RTN4: variants seen among roughly 807,000 people sequenced by gnomAD.
RTN4 encodes reticulon 4, also known as reticulon-4.
Under a neutral mutation model 90.4 loss-of-function variants are expected in RTN4, and 32 were observed. The observed-to-expected ratio is 0.35, with a 90% CI of 0.27 to 0.48. The LOEUF (loss-of-function observed/expected upper bound fraction) is 0.48, where lower values mean the gene tolerates loss of function less well. Ranked by LOEUF, RTN4 falls within the 20% of genes least tolerant of loss-of-function variation. The pLI, the probability that RTN4 is intolerant of heterozygous loss-of-function variation, is 0.99. For synonymous variants in RTN4, 629 were observed against 552.5 expected (o/e 1.14, Z -1.94); for missense variants, 1,706 against 1,430.2 (o/e 1.19, Z -3.11).
chr2:55,099,115 G>A (rs978307782), intron 1 of RTN4, among the ~76,000 whole-genome samples: 3 of 151,994 alleles, frequency 2.0e-5, no homozygotes, highest in Non-Finnish European at 4.4e-5. Context: ...GTTGTTTAGT[G>A]GCTGAATTAG....
intron 3 of RTN4, among the ~76,000 whole-genome samples, chr2:54,999,852 G>A (rs890259636): frequency 3.3e-5 from 5 of 152,102 alleles, no homozygotes; most frequent in African/African-American, 7.2e-5. Context: ...ACTGACAGGC[G>A]AAGGTCCACA....
chr2:55,129,416 A>C, the RTN4 span, among the ~76,000 whole-genome samples: 2 of 151,976 alleles, frequency 1.3e-5, no homozygotes, highest in Non-Finnish European at 2.9e-5. Context: ...TCTCTACAAA[A>C]AAAAACTTTA....
intron 1 of RTN4, among the ~76,000 whole-genome samples, chr2:55,038,431 A>AC (rs1214789333): frequency 2.0e-5 from 3 of 152,188 alleles, no homozygotes; most frequent in Non-Finnish European, 4.4e-5. Flanking sequence ...TATGTAGGAA[A>AC]AAAAAAGGCA....
intron 1 of RTN4, among the ~76,000 whole-genome samples, chr2:55,108,122 T>A (rs1667976116): frequency 1.3e-5 from 2 of 151,974 alleles, no homozygotes; most frequent in Non-Finnish European, 2.9e-5. Flanking sequence ...TCCCAGCTAA[T>A]TTTTGTGTTT....
At chr2:55,122,325 C>T in the RTN4 span, among the ~76,000 whole-genome samples, 1 of 152,088 alleles carries the variant, frequency 6.6e-6, no homozygotes, top group Non-Finnish European at 1.5e-5. Flanking sequence ...TACAGGTTCC[C>T]CGACTTAGAG....
chr2:55,128,858 G>T, the RTN4 span, among the ~76,000 whole-genome samples: 2 of 151,704 alleles, frequency 1.3e-5, no homozygotes, highest in Admixed American at 6.6e-5. Context: ...TGTAATCCCA[G>T]CACTTTGGAA....
At chr2:54,983,237 G>A (rs1307456207) in intron 4 of RTN4, among the ~76,000 whole-genome samples, 1 of 151,402 alleles carries the variant, frequency 6.6e-6, no homozygotes, top group East Asian at 1.9e-4. Context: ...AGCAATCCTA[G>A]CAAAACATAA....
At position 55,025,280 on chromosome 2, in the gene RTN4, T is replaced by C; in HGVS notation, c.2819A>G (p.Lys940Arg). 6.2e-7 allele frequency: 1 copy of C among 1,613,926 alleles called. No homozygotes were observed. Among genetic ancestry groups the C allele is most frequent in the African/African-American group, 1.3e-5 (1 of 75,024 alleles). The change falls in exon 3 of 9, where the codon AAA (lysine) becomes AGA (arginine). Residue 940 changes from lysine (K) to arginine (R), a missense_variant. Physicochemically the swap from Lys to Arg is conservative, Grantham distance 26 (BLOSUM62 2). Transcript: ENST00000337526. ...CACCTTTGATGTAGCAGACCCATTT[T>C]TAGAAAAGTCATCTGAGAAACTGAT... ...EKISFSDDFS[K>R]NGSATSKVLL... is the part of the protein sequence containing the mutation.
chr2:55,070,267 C>A (rs151164533), intron 2 of RTN4, among the ~76,000 whole-genome samples: 1 of 151,898 alleles, frequency 6.6e-6, no homozygotes, highest in African/African-American at 2.4e-5. Context: ...CCCCACCCCC[C>A]CAAACAAAAG....
At chr2:55,040,272 C>T (rs1682981948) in intron 1 of RTN4, among the ~76,000 whole-genome samples, 1 of 151,960 alleles carries the variant, frequency 6.6e-6, no homozygotes, top group African/African-American at 2.4e-5. Context: ...ATAAAACTTT[C>T]CATAATTTAA....
intron 4 of RTN4, among the ~76,000 whole-genome samples, chr2:54,986,839 AT>A (rs1678599251): frequency 6.6e-6 from 1 of 152,198 alleles, no homozygotes; most frequent in African/African-American, 2.4e-5. Flanking sequence ...GTTTTATGGT[AT>A]ATGAATTATA....
At chr2:55,132,559 C>G in the RTN4 span, among the ~76,000 whole-genome samples, 1 of 149,274 alleles carries the variant, frequency 6.7e-6, no homozygotes, top group East Asian at 2.0e-4. Flanking sequence ...TGCCTATAAT[C>G]CTAGCACTTT....
chr2:55,029,390 G>T (rs1040898823), intron 1 of RTN4, among the ~76,000 whole-genome samples: 2 of 152,048 alleles, frequency 1.3e-5, no homozygotes, highest in African/African-American at 4.8e-5. Context: ...ACCTGCAGTT[G>T]GGAGATCCTA....
chr2:55,015,388 T>C (rs943642245), intron 3 of RTN4, among the ~76,000 whole-genome samples: 6 of 151,980 alleles, frequency 3.9e-5, no homozygotes, highest in African/African-American at 1.4e-4. Context: ...TATAAGTAAA[T>C]AAAAAATATA....
rs1379463714 is a variant in RTN4, at chr2:55,098,197, T to C, written c.-214+14323A>G. On this transcript the variant is annotated intron_variant, in intron 1 of 3. Transcript: ENST00000427710. The stretch of plus-strand genomic sequence containing the variant: ...GGCAGAAGTATGTCCGGATTTCCAG[T>C]ACCCAGCACAAAGCTGGTGTTTAGT... 6.6e-5 allele frequency among the ~76,000 whole-genome samples: 10 copies of C among 152,258 alleles called. No homozygotes were observed. The East Asian group carries it at 1.7e-3, about 26-fold the overall frequency.
chr2:55,013,827 TACA>T (rs1680831051), intron 3 of RTN4, among the ~76,000 whole-genome samples: 1 of 152,176 alleles, frequency 6.6e-6, no homozygotes, highest in Admixed American at 6.5e-5. Context: ...CGTTTTTCTT[TACA>T]ACATTTAGAG....
At chr2:54,987,374 G>A (rs1678647393) in intron 4 of RTN4, 117 bp downstream of exon 4, 1 of 810,072 alleles carries the variant, frequency 1.2e-6, no homozygotes, top group Non-Finnish European at 2.1e-6. Context: ...GCAAATAACT[G>A]CAATTATCTT....
intron 2 of RTN4, among the ~76,000 whole-genome samples, chr2:55,058,273 T>C (rs1397288047): frequency 1.3e-5 from 2 of 152,200 alleles, no homozygotes; most frequent in South Asian, 2.1e-4. Flanking sequence ...ATGTTTGTTC[T>C]GGGTAAAGGA....
intron 4 of RTN4, among the ~76,000 whole-genome samples, chr2:54,983,567 C>T (rs567738862): frequency 2.6e-5 from 4 of 152,254 alleles, no homozygotes; most frequent in Admixed American, 6.5e-5. Flanking sequence ...AACTCCTTGT[C>T]CCATAGTTTT....
Sources: gnomAD v4.1 joint callset for allele counts (sites outside exome capture counted in the v4.1 genomes callset) on GRCh38, gnomAD v4.1.1 for gene constraint, MANE v1.5 for transcripts, NCBI Gene and HGNC (gene_info 2026-07-23, HGNC 2026-07-21) for gene names.